The following PTPRD variants were observed in gnomAD, a reference collection of about 807,000 sequenced individuals.
PTPRD encodes receptor-type tyrosine-protein phosphatase delta.
PTPRD carries 34 observed loss-of-function variants against 214.5 expected under a neutral mutation model. The observed-to-expected ratio is 0.16, with a 90% CI of 0.12 to 0.21. The LOEUF is 0.21. PTPRD is among the 10% of genes least tolerant of loss of function. PTPRD has a pLI of 1.00. For synonymous variants in PTPRD, 1,128 were observed against 845.7 expected (o/e 1.33, Z -5.79); for missense variants, 2,545 against 2,398.7 (o/e 1.06, Z -1.27).
intron 8 of PTPRD, among the ~76,000 whole-genome samples, chr9:9,555,467 A>G (rs182222951): frequency 9.6e-4 from 146 of 152,202 alleles, no homozygotes; most frequent in African/African-American, 3.0e-3. Context: ...TTATCGTATT[A>G]TAGTTTCATC....
chr9:8,840,202 G>C (rs1476242583), intron 11 of PTPRD, among the ~76,000 whole-genome samples: 1 of 152,168 alleles, frequency 6.6e-6, no homozygotes, highest in Admixed American at 6.5e-5. Context: ...GTTTGGCTAT[G>C]TCCCCACCCA....
At chr9:9,789,397 A>G (rs2098950350) in intron 5 of PTPRD, among the ~76,000 whole-genome samples, 1 of 152,224 alleles carries the variant, frequency 6.6e-6, no homozygotes, top group Non-Finnish European at 1.5e-5. Context: ...AACTCAAACA[A>G]TAAATTACTT....
intron 3 of PTPRD, among the ~76,000 whole-genome samples, chr9:10,037,486 C>T (rs925141947): frequency 2.0e-5 from 3 of 151,848 alleles, no homozygotes; most frequent in Non-Finnish European, 2.9e-5. Context: ...CTGAGGGCTC[C>T]CCAGCCATGC....
rs113390125 is a variant in PTPRD at position 9,647,495 on chromosome 9, G to T, written c.-286-72714C>A. Among the ~76,000 whole-genome samples the T allele has an allele frequency of 9.1e-3, 1,380 of 152,226 alleles. 22 individuals carry two copies. The highest frequency in any genetic ancestry group is 0.032 in the African/African-American group (1,333 of 41,528). Reference sequence around the variant, plus strand: ...AAATATGCATTTCTCCCAAGAATATGTGTGCTTACTTTTGCCAGTCTTATA... The same window carrying T: ...AAATATGCATTTCTCCCAAGAATATTTGTGCTTACTTTTGCCAGTCTTATA... On this transcript the variant is annotated intron_variant, in intron 7 of 45. Transcript: ENST00000381196.
At chr9:9,151,998 G>C (rs922997071) in intron 10 of PTPRD, among the ~76,000 whole-genome samples, 1 of 152,206 alleles carries the variant, frequency 6.6e-6, no homozygotes, top group Non-Finnish European at 1.5e-5. Context: ...CTTATAAATA[G>C]TTAGATGAGT....
At chr9:10,582,697 A>G (rs2072371051) in intron 2 of PTPRD, among the ~76,000 whole-genome samples, 1 of 152,144 alleles carries the variant, frequency 6.6e-6, no homozygotes, top group Non-Finnish European at 1.5e-5. Context: ...TAATCGTGTA[A>G]AAAGATAAAT....
At position 9,249,589 on chromosome 9, in the gene PTPRD, G is replaced by C. The variant is rs2099974596; in HGVS notation, c.-202-66226C>G. On this transcript the variant is annotated intron_variant, in intron 9 of 45. Transcript: ENST00000381196. ...TCTGTGTCACTGATTGCCTGGCTTT[G>C]TCTCTGTTTCTCCCTCCCTCTTCCT... is the stretch of plus-strand genomic sequence containing the variant. Among the ~76,000 whole-genome samples, 3 of 151,952 alleles carry C rather than the reference G, an allele frequency of 2.0e-5. 1 individual carries two copies. Among genetic ancestry groups the C allele is most frequent in the East Asian group, 3.9e-4 (2 of 5,126 alleles).
At chr9:8,436,452 G>A (rs536621937) in intron 35 of PTPRD, 140 bp downstream of exon 35, 63 of 591,192 alleles carry the variant, frequency 1.1e-4, no homozygotes, top group African/African-American at 8.8e-4. Context: ...TTAAGTTGAC[G>A]GTTCATTATA....
intron 11 of PTPRD, among the ~76,000 whole-genome samples, chr9:8,968,310 G>C (rs1240297640): frequency 6.6e-6 from 1 of 152,020 alleles, no homozygotes; most frequent in Non-Finnish European, 1.5e-5. Context: ...TCTAGTTCTA[G>C]GTCCTTAAGG....
At chr9:10,557,965 C>T (rs1282344197) in intron 2 of PTPRD, among the ~76,000 whole-genome samples, 2 of 152,182 alleles carry the variant, frequency 1.3e-5, no homozygotes, top group Admixed American at 6.5e-5. Context: ...AAGAGCCCAA[C>T]ACATGTGCTC....
chr9:9,000,851 C>A (rs990374052), intron 11 of PTPRD, among the ~76,000 whole-genome samples: 1 of 151,902 alleles, frequency 6.6e-6, no homozygotes, highest in African/African-American at 2.4e-5. Flanking sequence ...TCACAAAAAA[C>A]AAACCACAAG....
At chr9:10,141,435 C>A (rs2098984227) in intron 3 of PTPRD, among the ~76,000 whole-genome samples, 1 of 152,022 alleles carries the variant, frequency 6.6e-6, no homozygotes, top group Non-Finnish European at 1.5e-5. Flanking sequence ...ACAAAAATCA[C>A]AAGCACTCTT....
intron 3 of PTPRD, among the ~76,000 whole-genome samples, chr9:10,078,166 T>A (rs1247900041): frequency 1.3e-5 from 2 of 151,664 alleles, no homozygotes; most frequent in African/African-American, 4.8e-5. Flanking sequence ...CTAAATATAA[T>A]CAAATATCTT....
At chr9:8,442,802 T>C (rs1414286319) in intron 34 of PTPRD, among the ~76,000 whole-genome samples, 2 of 152,188 alleles carry the variant, frequency 1.3e-5, no homozygotes, top group East Asian at 3.8e-4. Context: ...AGCTTCCTGA[T>C]ACAACCATAA....
At chr9:8,757,764 A>G (rs149599901) in intron 11 of PTPRD, among the ~76,000 whole-genome samples, 338 of 151,870 alleles carry the variant, frequency 2.2e-3, no homozygotes, top group African/African-American at 7.0e-3. Flanking sequence ...ATATTGGTGA[A>G]CTAGATAATA....
At chr9:9,613,174 G>C (rs1296672618) in intron 7 of PTPRD, among the ~76,000 whole-genome samples, 2 of 67,526 alleles carry the variant, frequency 3.0e-5, no homozygotes, top group African/African-American at 1.3e-4. Flanking sequence ...ATATATATAT[G>C]ATTGCATCAT....
At chr9:8,748,412 G>A (rs1218777893) in intron 11 of PTPRD, among the ~76,000 whole-genome samples, 1 of 150,230 alleles carries the variant, frequency 6.7e-6, no homozygotes, top group African/African-American at 2.4e-5. Flanking sequence ...ACAAGGATCA[G>A]GATATAAACC....
At chr9:9,932,053 C>T (rs1053221131) in intron 5 of PTPRD, among the ~76,000 whole-genome samples, 5 of 151,138 alleles carry the variant, frequency 3.3e-5, no homozygotes, top group Admixed American at 6.6e-5. Context: ...ACAGAAAGGA[C>T]ATCCACACCA....
At chr9:10,254,200 A>G (rs1181268948) in intron 3 of PTPRD, among the ~76,000 whole-genome samples, 2 of 152,170 alleles carry the variant, frequency 1.3e-5, no homozygotes, top group Non-Finnish European at 2.9e-5. Context: ...GTGGATATTT[A>G]TTGTAAGTTG....
Sources: gnomAD v4.1 joint callset for allele counts (sites outside exome capture counted in the v4.1 genomes callset) on GRCh38, gnomAD v4.1.1 for gene constraint, MANE v1.5 for transcripts, NCBI Gene and HGNC (gene_info 2026-07-23, HGNC 2026-07-21) for gene names.